ZP3: variants seen among roughly 807,000 people sequenced by gnomAD.
ZP3 encodes the protein zona pellucida glycoprotein 3, also known as zona pellucida sperm-binding protein 3.
A neutral mutation model predicts 35.6 loss-of-function variants in ZP3; 21 were observed. The observed-to-expected ratio is 0.59, with a 90% CI of 0.42 to 0.85. The LOEUF is 0.85. Ranked by LOEUF, ZP3 falls within the 40% of genes least tolerant of loss-of-function variation. ZP3 has a pLI of 0.00. For synonymous variants in ZP3, 207 were observed against 214.5 expected, an observed-to-expected ratio of 0.96 and a Z score of 0.31; for missense variants, 437 against 536.5, an observed-to-expected ratio of 0.81 and a Z score of 1.83.
chr7:76,431,011 C>A (rs891327254), intron 2 of ZP3, among the ~76,000 whole-genome samples: 1 of 152,178 alleles, frequency 6.6e-6, no homozygotes, highest in Non-Finnish European at 1.5e-5. Flanking sequence ...ACCAGCCTCA[C>A]CACAGGTGCC....
chr7:76,424,629 T>TC (rs1333295663), upstream of ZP3, among the ~76,000 whole-genome samples: 2 of 152,200 alleles, frequency 1.3e-5, no homozygotes, highest in Non-Finnish European at 2.9e-5. Context: ...AGAGTGAGAC[T>TC]CTGTCTCAAA....
intron 1 of ZP3, among the ~76,000 whole-genome samples, chr7:76,428,436 C>T (rs1805734848): frequency 6.6e-6 from 1 of 152,218 alleles, no homozygotes; most frequent in Non-Finnish European, 1.5e-5. Context: ...CTCATACCTT[C>T]ACTCTACTGG....
upstream of ZP3, among the ~76,000 whole-genome samples, chr7:76,422,763 C>T (rs150894254): frequency 0.17 from 24,864 of 149,994 alleles, 2,344 homozygotes; most frequent in Non-Finnish European, 0.23. Flanking sequence ...TTTGGGAGGC[C>T]GAGGAGGGAG....
chr7:76,415,363 T>TAAAAA (rs1390715638), intron 1 of ZP3, among the ~76,000 whole-genome samples: 1 of 24,270 alleles, frequency 4.1e-5, no homozygotes, highest in Non-Finnish European at 6.9e-5. Flanking sequence ...AGACTCCGTC[T>TAAAAA]CAAAAAAAAA....
At chr7:76,399,159 C>T (rs967644035) in intron 1 of ZP3, among the ~76,000 whole-genome samples, 21 of 151,942 alleles carry the variant, frequency 1.4e-4, no homozygotes, top group Non-Finnish European at 2.9e-5. Flanking sequence ...TTACAGGTGC[C>T]TGCCACCATG....
intron 1 of ZP3, chr7:76,404,223 A>G: frequency 3.5e-6 from 5 of 1,447,926 alleles, no homozygotes; most frequent in South Asian, 2.9e-5. Context: ...CTCATTCACA[A>G]CCCTCCTCCT....
chr7:76,422,814 A>C (rs922905975), upstream of ZP3, among the ~76,000 whole-genome samples: 1 of 151,690 alleles, frequency 6.6e-6, no homozygotes, highest in Non-Finnish European at 1.5e-5. Context: ...CCTGGCCAAC[A>C]TGGTGAAACC....
intron 5 of ZP3, 135 bp from the exon 6 acceptor site, chr7:76,440,115 G>A: frequency 6.9e-7 from 1 of 1,457,314 alleles, no homozygotes; most frequent in South Asian, 1.4e-5. Flanking sequence ...CCAAAGTGCT[G>A]GGATTATAGG....
chr7:76,399,455 A>G (rs143113570), intron 1 of ZP3, among the ~76,000 whole-genome samples: 2 of 152,232 alleles, frequency 1.3e-5, no homozygotes, highest in African/African-American at 4.8e-5. Flanking sequence ...GATTTTCTTG[A>G]AAACTAGAAG....
At chr7:76,405,271 TTATATATATATATATATA>T (rs1171830870) in intron 1 of ZP3, among the ~76,000 whole-genome samples, 264 of 9,134 alleles carry the variant, frequency 0.029, 16 homozygotes, top group African/African-American at 0.057. Context: ...ACCCAGCTAA[TTATATATATATATATATA>T]TATATATATA....
Position 76,440,467 on chromosome 7 carries a change from C to A in ZP3, c.924-8C>A. ...ACAAAAATCTAAGCTGCTTCTCTTT[C>A]ATCTCAGCTGGTTCCCAGTGGAAGG... On this transcript the variant is annotated splice_region_variant and splice_polypyrimidine_tract_variant and intron_variant, in intron 6 of 7. Coordinates refer to ENST00000394857, the MANE Select transcript of ZP3 (RefSeq NM_001110354.2). 1.2e-6 allele frequency: 2 copies of A among 1,612,396 alleles called. No homozygotes were observed. Among genetic ancestry groups the A allele is most frequent in the Non-Finnish European group, 1.7e-6 (2 of 1,178,830 alleles).
At chr7:76,419,374 C>A (rs1805451695) in intron 1 of ZP3, among the ~76,000 whole-genome samples, 1 of 152,108 alleles carries the variant, frequency 6.6e-6, no homozygotes, top group Admixed American at 6.6e-5. Flanking sequence ...GAAGTGAAAT[C>A]CAGTTTTTCC....
At chr7:76,417,651 T>G (rs1387134124) in intron 1 of ZP3, among the ~76,000 whole-genome samples, 3 of 151,198 alleles carry the variant, frequency 2.0e-5, no homozygotes, top group Non-Finnish European at 4.4e-5. Context: ...CACTCTTGTC[T>G]CCCTGGCTAG....
At chr7:76,441,398 C>T (rs1045665871) in intron 7 of ZP3, among the ~76,000 whole-genome samples, 2 of 151,324 alleles carry the variant, frequency 1.3e-5, no homozygotes, top group African/African-American at 4.9e-5. Flanking sequence ...CTTCCCCCTC[C>T]CCTGCACCAA....
chr7:76,418,084 C>T (rs541139490), intron 1 of ZP3, among the ~76,000 whole-genome samples: 3 of 151,438 alleles, frequency 2.0e-5, no homozygotes, highest in South Asian at 4.2e-4. Context: ...ACTACAGGCA[C>T]GTAGTCACCA....
chr7:76,436,879 G>C (rs1806032254), intron 5 of ZP3, among the ~76,000 whole-genome samples: 1 of 152,224 alleles, frequency 6.6e-6, no homozygotes, highest in Non-Finnish European at 1.5e-5. Flanking sequence ...TCAATCTCTG[G>C]GGGTTGAGGG....
chr7:76,415,151 G>A (rs995188455), intron 1 of ZP3, among the ~76,000 whole-genome samples: 8 of 151,448 alleles, frequency 5.3e-5, no homozygotes, highest in Admixed American at 2.6e-4. Flanking sequence ...CGAGGTGGGC[G>A]GATCACGTGA....
Position 76,433,467 on chromosome 7 carries a change from C to G in ZP3, c.536-3C>G. Reference sequence around the variant, plus strand: ...ACCATGCCCAGCTGACTGTGTCTTTCAGAGAACTGGAACGCTGAGAAGAGG... The same window carrying G: ...ACCATGCCCAGCTGACTGTGTCTTTGAGAGAACTGGAACGCTGAGAAGAGG... On this transcript the variant is annotated splice_polypyrimidine_tract_variant and splice_region_variant and intron_variant, in intron 3 of 7. Coordinates refer to ENST00000394857, the MANE Select transcript of ZP3 (RefSeq NM_001110354.2). 6.2e-7 allele frequency: 1 copy of G among 1,610,570 alleles called. No individual in the cohort carries two copies. Among genetic ancestry groups the G allele is most frequent in the Non-Finnish European group, 8.5e-7 (1 of 1,178,314 alleles).
At chr7:76,409,273 C>T (rs1048908099) in intron 1 of ZP3, 1 of 151,620 alleles carries the variant, frequency 6.6e-6, no homozygotes, top group Admixed American at 6.6e-5. Context: ...GACAATTTCC[C>T]ATCTGACCAG....
Sources: allele counts gnomAD v4.1 joint callset (sites outside exome capture counted in the v4.1 genomes callset), GRCh38; gene constraint gnomAD v4.1.1; transcripts MANE v1.5; gene names NCBI Gene and HGNC (gene_info 2026-07-23, HGNC 2026-07-21).